RNF220: variants seen among roughly 807,000 people sequenced by gnomAD.
RNF220 encodes E3 ubiquitin-protein ligase RNF220.
A neutral mutation model predicts 67.1 loss-of-function variants in RNF220; 7 were observed. The ratio of observed to expected loss-of-function variants is 0.10; its 90% confidence interval spans 0.06 to 0.20. The LOEUF is 0.20. RNF220 is among the 10% of genes least tolerant of loss of function. The probability of loss-of-function intolerance (pLI) is 1.00; values close to 1 mark genes in which losing one functional copy is unlikely to be tolerated. For synonymous variants in RNF220, 270 were observed against 283.2 expected (o/e 0.95, Z 0.47); for missense variants, 565 against 740.3 (o/e 0.76, Z 2.75).
At chr1:44,457,926 T>C (rs10890302) in intron 2 of RNF220, among the ~76,000 whole-genome samples, 130,705 of 152,136 alleles carry the variant, frequency 0.86, 56,705 homozygotes, top group South Asian at 0.97. Flanking sequence ...ATATCCATAT[T>C]GACTTGTCTA....
At chr1:44,427,403 A>T (rs1470838198) in intron 2 of RNF220, among the ~76,000 whole-genome samples, 1 of 152,212 alleles carries the variant, frequency 6.6e-6, no homozygotes, top group Non-Finnish European at 1.5e-5. Flanking sequence ...AGCCTTTTGC[A>T]GTGTGGCAGC....
chr1:44,458,343 T>G (rs1444176722), intron 2 of RNF220, among the ~76,000 whole-genome samples: 2 of 151,760 alleles, frequency 1.3e-5, no homozygotes, highest in Non-Finnish European at 2.9e-5. Flanking sequence ...CCAGTTTTTT[T>G]TTTTTTTTTT....
At chr1:44,472,151 G>A (rs1654870038) in intron 2 of RNF220, among the ~76,000 whole-genome samples, 1 of 152,060 alleles carries the variant, frequency 6.6e-6, no homozygotes, top group Non-Finnish European at 1.5e-5. Flanking sequence ...CCACCTTTTG[G>A]CTATTATAAT....
chr1:44,429,736 G>A (rs564874539), intron 2 of RNF220, among the ~76,000 whole-genome samples: 70 of 152,284 alleles, frequency 4.6e-4, no homozygotes, highest in Middle Eastern at 3.4e-3. Flanking sequence ...GAAGGAGTGG[G>A]GAAACAGGGT....
At chr1:44,461,999 C>A (rs1572575695) in intron 2 of RNF220, among the ~76,000 whole-genome samples, 1 of 140,930 alleles carries the variant, frequency 7.1e-6, no homozygotes, top group African/African-American at 2.7e-5. Flanking sequence ...GCCATCTTGG[C>A]TCACTGTGAC....
At chr1:44,495,876 G>A (rs184216395) in intron 2 of RNF220, among the ~76,000 whole-genome samples, 3 of 152,346 alleles carry the variant, frequency 2.0e-5, no homozygotes, top group Admixed American at 2.0e-4. Context: ...ATTTAGAGTA[G>A]TGTCTAGCAC....
intron 3 of RNF220, among the ~76,000 whole-genome samples, chr1:44,620,912 C>CTTTTT (rs71036690): frequency 5.5e-5 from 7 of 126,360 alleles, no homozygotes; most frequent in Non-Finnish European, 1.0e-4. Flanking sequence ...TGTTGTGAAT[C>CTTTTT]TTTTTTTTTT....
intron 2 of RNF220, among the ~76,000 whole-genome samples, chr1:44,487,684 TAA>T (rs1656436476): frequency 1.8e-5 from 2 of 113,696 alleles, no homozygotes; most frequent in African/African-American, 6.7e-5. Context: ...ATAATAATAA[TAA>T]TAATAATAAT....
At chr1:44,598,494 C>T (rs1031860163) in intron 2 of RNF220, among the ~76,000 whole-genome samples, 1 of 152,124 alleles carries the variant, frequency 6.6e-6, no homozygotes, top group East Asian at 1.9e-4. Context: ...TCCCACACGC[C>T]GGTAATTGAA....
At chr1:44,552,539 A>G (rs1662722550) in intron 2 of RNF220, among the ~76,000 whole-genome samples, 1 of 142,494 alleles carries the variant, frequency 7.0e-6, no homozygotes, top group Non-Finnish European at 1.5e-5. Flanking sequence ...AAACCCATCA[A>G]TGGCTCCCTG....
At chr1:44,526,364 C>G (rs1660375249) in intron 2 of RNF220, among the ~76,000 whole-genome samples, 1 of 152,164 alleles carries the variant, frequency 6.6e-6, no homozygotes, top group South Asian at 2.1e-4. Flanking sequence ...CTGTAGATGA[C>G]TTCATTTCCT....
At chr1:44,512,891 A>T (rs193139845) in intron 2 of RNF220, among the ~76,000 whole-genome samples, 1 of 152,286 alleles carries the variant, frequency 6.6e-6, no homozygotes, top group African/African-American at 2.4e-5. Context: ...TGGAGCAGCC[A>T]GTTGACCTGA....
At chr1:44,603,972 C>A (rs1396200622) in intron 2 of RNF220, among the ~76,000 whole-genome samples, 1 of 152,252 alleles carries the variant, frequency 6.6e-6, no homozygotes, top group African/African-American at 2.4e-5. Context: ...CGGAGGTTCC[C>A]ACTTCATTTT....
At chr1:44,534,747 A>G (rs1661074822) in intron 2 of RNF220, among the ~76,000 whole-genome samples, 1 of 152,214 alleles carries the variant, frequency 6.6e-6, no homozygotes, top group South Asian at 2.1e-4. Flanking sequence ...TGGAAGAGAA[A>G]GGTGATCCTC....
At chr1:44,625,704 GCAGA>G (rs769511772) in intron 4 of RNF220, among the ~76,000 whole-genome samples, 5 of 152,160 alleles carry the variant, frequency 3.3e-5, no homozygotes, top group Admixed American at 1.3e-4. Context: ...ACAATTTCAA[GCAGA>G]CAGTTTATTA....
chr1:44,633,425 T>G, intron 6 of RNF220, among the ~76,000 whole-genome samples: 1 of 152,230 alleles, frequency 6.6e-6, no homozygotes. Context: ...TGATTCTTCC[T>G]ACTCGTACGT....
At chr1:44,571,300 C>T (rs77855354) in intron 2 of RNF220, among the ~76,000 whole-genome samples, 1 of 152,168 alleles carries the variant, frequency 6.6e-6, no homozygotes, top group African/African-American at 2.4e-5. Flanking sequence ...ATTTCCTCTA[C>T]CTGAAACACT....
rs1199530742 is a variant in RNF220 at position 44,622,721 on chromosome 1, T to C, written c.759-21T>C. On this transcript the variant is annotated intron_variant, in intron 3 of 14. Transcript: ENST00000361799. The surrounding 1 kb of genome is among the most constrained non-coding windows in gnomAD (Gnocchi z 4.3). ...TGGGCAGCAGGTAGAATGGTTACCC[T>C]GTTCTCTTCTTTCTTGGCAGCAAGA... 1 of 1,612,920 alleles carries C rather than the reference T, an allele frequency of 6.2e-7. No homozygotes were observed. The highest frequency in any genetic ancestry group is 8.5e-7 in the Non-Finnish European group (1 of 1,178,924).
At chr1:44,407,933 C>T (rs921821646) in intron 1 of RNF220, among the ~76,000 whole-genome samples, 1 of 152,208 alleles carries the variant, frequency 6.6e-6, no homozygotes, top group African/African-American at 2.4e-5. Flanking sequence ...GGGCCCCGCG[C>T]GGCTGCGGAC....
Sources: gnomAD v4.1 joint callset for allele counts (sites outside exome capture counted in the v4.1 genomes callset) on GRCh38, gnomAD v4.1.1 for gene constraint, Gnocchi (gnomAD v3.1) non-coding constraint, MANE v1.5 for transcripts, NCBI Gene and HGNC (gene_info 2026-07-23, HGNC 2026-07-21) for gene names.